SLC9A9: variants seen among roughly 807,000 people sequenced by gnomAD.
SLC9A9 encodes the protein sodium/hydrogen exchanger 9.
Under a neutral mutation model 77.8 loss-of-function variants are expected in SLC9A9, and 62 were observed. The ratio of observed to expected loss-of-function variants is 0.80; its 90% CI spans 0.65 to 0.98. The LOEUF (loss-of-function observed/expected upper bound fraction) is 0.98, where lower values mean the gene tolerates loss of function less well. Among genes scored for constraint, SLC9A9 ranks in the 50% least tolerant of loss-of-function variants. The probability of loss-of-function intolerance (pLI) is 0.00; values close to 1 mark genes in which losing one functional copy is unlikely to be tolerated. For missense variants in SLC9A9, 775 were observed against 774.9 expected, an observed-to-expected ratio of 1.00 and a Z score of 0.00; for synonymous variants, 320 against 283.5, an observed-to-expected ratio of 1.13 and a Z score of -1.29.
chr3:143,482,011 G>T (rs1443529903), intron 11 of SLC9A9, among the ~76,000 whole-genome samples: 1 of 152,150 alleles, frequency 6.6e-6, no homozygotes, highest in Non-Finnish European at 1.5e-5. Context: ...ACCATGGCTT[G>T]ATCAGTTGGT....
intron 4 of SLC9A9, among the ~76,000 whole-genome samples, chr3:143,775,309 T>C (rs1158369699): frequency 1.3e-5 from 2 of 152,194 alleles, no homozygotes; most frequent in Non-Finnish European, 2.9e-5. Context: ...ATACCTTACC[T>C]GGGACACTGG....
chr3:143,769,150 T>C (rs925997592), intron 4 of SLC9A9, among the ~76,000 whole-genome samples: 55 of 152,272 alleles, frequency 3.6e-4, no homozygotes, highest in African/African-American at 1.3e-3. Context: ...TTATAGATAG[T>C]AAATATTATT....
intron 5 of SLC9A9, among the ~76,000 whole-genome samples, chr3:143,683,475 G>A (rs1016880023): frequency 1.3e-5 from 2 of 152,124 alleles, no homozygotes; most frequent in Non-Finnish European, 2.9e-5. Flanking sequence ...GATTAAAGGA[G>A]AACGCAGAGA....
At chr3:143,296,122 G>A (rs1464519221) in intron 14 of SLC9A9, among the ~76,000 whole-genome samples, 4 of 152,160 alleles carry the variant, frequency 2.6e-5, no homozygotes, top group Non-Finnish European at 2.9e-5. Context: ...CATAATAATA[G>A]TATTGTTAAC....
chr3:143,683,373 T>C (rs1053101755), intron 5 of SLC9A9, among the ~76,000 whole-genome samples: 11 of 152,136 alleles, frequency 7.2e-5, no homozygotes, highest in Admixed American at 7.2e-4. Flanking sequence ...CTATGGGAAG[T>C]GACAAATCCA....
intron 7 of SLC9A9, among the ~76,000 whole-genome samples, chr3:143,577,452 T>G (rs1211847663): frequency 1.3e-5 from 2 of 152,208 alleles, no homozygotes; most frequent in Non-Finnish European, 2.9e-5. Context: ...CTTTTCAAAT[T>G]ATTTTCCAGA....
At chr3:143,746,234 G>A (rs983532984) in intron 4 of SLC9A9, among the ~76,000 whole-genome samples, 1 of 152,190 alleles carries the variant, frequency 6.6e-6, no homozygotes, top group Non-Finnish European at 1.5e-5. Context: ...CAGAGGTTCA[G>A]GCAAAAGATA....
At chr3:143,657,836 T>C (rs1261996698) in intron 5 of SLC9A9, among the ~76,000 whole-genome samples, 3 of 152,212 alleles carry the variant, frequency 2.0e-5, no homozygotes, top group African/African-American at 7.2e-5. Context: ...TTAGAATTTG[T>C]TTTAATTTCT....
At chr3:143,535,376 T>G (rs928667785) in intron 9 of SLC9A9, among the ~76,000 whole-genome samples, 1 of 152,216 alleles carries the variant, frequency 6.6e-6, no homozygotes, top group Admixed American at 6.5e-5. Flanking sequence ...ACGAGTCAGG[T>G]CATATCTTTT....
chr3:143,328,852 A>G (rs959754320), intron 14 of SLC9A9, among the ~76,000 whole-genome samples: 7 of 152,174 alleles, frequency 4.6e-5, no homozygotes, highest in African/African-American at 1.7e-4. Flanking sequence ...TTCCTCTCTA[A>G]TAACACTGTC....
intron 5 of SLC9A9, among the ~76,000 whole-genome samples, chr3:143,662,290 C>A (rs2038990205): frequency 6.6e-6 from 1 of 152,164 alleles, no homozygotes; most frequent in Non-Finnish European, 1.5e-5. Flanking sequence ...TGAAGAAGTT[C>A]AGTTGCAGAT....
intron 12 of SLC9A9, among the ~76,000 whole-genome samples, chr3:143,422,522 C>G (rs1046178089): frequency 6.6e-6 from 1 of 152,068 alleles, no homozygotes; most frequent in African/African-American, 2.4e-5. Context: ...CATCTTCTTG[C>G]TTATAAGTGG....
chr3:143,631,346 A>G (rs1244835143), intron 6 of SLC9A9, among the ~76,000 whole-genome samples: 1 of 152,192 alleles, frequency 6.6e-6, no homozygotes, highest in East Asian at 1.9e-4. Context: ...TCAGAACTAT[A>G]TCTTATACAG....
chr3:143,400,234 G>C (rs756973194), intron 12 of SLC9A9, among the ~76,000 whole-genome samples: 15 of 152,110 alleles, frequency 9.9e-5, no homozygotes, highest in Non-Finnish European at 2.1e-4. Context: ...TTCATGTATG[G>C]CTAGTATGTT....
At chr3:143,526,709 C>T (rs2108617747) in intron 9 of SLC9A9, among the ~76,000 whole-genome samples, 1 of 152,278 alleles carries the variant, frequency 6.6e-6, no homozygotes, top group East Asian at 1.9e-4. Flanking sequence ...AATATTAATT[C>T]TTGAAGCCGA....
chr3:143,516,608 C>T (rs1001362917), intron 9 of SLC9A9, among the ~76,000 whole-genome samples: 1 of 152,134 alleles, frequency 6.6e-6, no homozygotes, highest in African/African-American at 2.4e-5. Context: ...ATACATAAAT[C>T]TGCTTTTAAA....
At chr3:143,267,011 A>G (rs1450575129) in intron 15 of SLC9A9, 82 bp from the exon 16 acceptor site, 4 of 1,068,838 alleles carry the variant, frequency 3.7e-6, no homozygotes, top group East Asian at 5.0e-5. Context: ...TTTTTTTTTT[A>G]AACAGAATGC....
intron 13 of SLC9A9, among the ~76,000 whole-genome samples, chr3:143,379,035 T>A (rs533348047): frequency 5.6e-4 from 85 of 150,636 alleles, no homozygotes; most frequent in African/African-American, 2.0e-3. Context: ...TATATAATTT[T>A]AAATATATAT....
At chr3:143,570,803 T>C (rs778391657) in intron 8 of SLC9A9, among the ~76,000 whole-genome samples, 1 of 152,122 alleles carries the variant, frequency 6.6e-6, no homozygotes. Flanking sequence ...TATAATTATA[T>C]ATATATAGTT....
Sources: gnomAD v4.1 joint callset for allele counts (sites outside exome capture counted in the v4.1 genomes callset) on GRCh38, gnomAD v4.1.1 for gene constraint, MANE v1.5 for transcripts, NCBI Gene and HGNC (gene_info 2026-07-23, HGNC 2026-07-21) for gene names.